The following ESR2 variants were observed in gnomAD, a reference collection of about 807,000 sequenced individuals.
ESR2 encodes the protein estrogen receptor 2, also known as estrogen receptor beta.
ESR2 carries 36 observed loss-of-function variants against 49.6 expected under a neutral mutation model. The ratio of observed to expected loss-of-function variants is 0.73; its 90% CI spans 0.56 to 0.96. The LOEUF (loss-of-function observed/expected upper bound fraction) is 0.96, where lower values mean the gene tolerates loss of function less well. Ranked by LOEUF, ESR2 falls within the 40% of genes least tolerant of loss-of-function variation. The pLI, the probability that ESR2 is intolerant of heterozygous loss-of-function variation, is 0.00. For missense variants in ESR2, 714 were observed against 693.0 expected, an observed-to-expected ratio of 1.03 and a Z score of -0.34; for synonymous variants, 320 against 266.1, an observed-to-expected ratio of 1.20 and a Z score of -1.97.
chr14:64,248,505 C>CAAAAAAAAAAAAAAAAA (rs56108535), intron 7 of ESR2, among the ~76,000 whole-genome samples: 1 of 87,266 alleles, frequency 1.1e-5, no homozygotes, highest in Non-Finnish European at 2.2e-5. Context: ...GATCCTGTCT[C>CAAAAAAAAAAAAAAAAA]AAAAAAAAAA....
At chr14:64,317,144 T>C (rs1036246104) in intron 1 of ESR2, among the ~76,000 whole-genome samples, 9 of 152,118 alleles carry the variant, frequency 5.9e-5, no homozygotes, top group Admixed American at 3.3e-4. Context: ...CACACACCTG[T>C]AGTTCCAGCT....
chr14:64,259,653 C>T (rs1003847501), intron 5 of ESR2, among the ~76,000 whole-genome samples: 1 of 152,160 alleles, frequency 6.6e-6, no homozygotes, highest in Non-Finnish European at 1.5e-5. Flanking sequence ...AACGCAGGTT[C>T]CAAGTGACAA....
chr14:64,256,288 T>C (rs57857158), intron 6 of ESR2, among the ~76,000 whole-genome samples: 202 of 152,352 alleles, frequency 1.3e-3, no homozygotes, highest in African/African-American at 4.2e-3. Context: ...TTAAAAATTG[T>C]TTCCTTTTCT....
intron 1 of ESR2, among the ~76,000 whole-genome samples, chr14:64,300,948 T>C (rs2077014853): frequency 6.6e-6 from 1 of 152,160 alleles, no homozygotes; most frequent in Non-Finnish European, 1.5e-5. Flanking sequence ...AGGAGGAGGC[T>C]ATAACTACCA....
At chr14:64,268,376 A>G (rs2076373992) in intron 4 of ESR2, among the ~76,000 whole-genome samples, 1 of 152,182 alleles carries the variant, frequency 6.6e-6, no homozygotes, top group African/African-American at 2.4e-5. Context: ...GTAACCCACA[A>G]GATATCCTAC....
In ESR2 at chr14:64,234,680, G is replaced by GGAACT. The variant is rs1403723519; in HGVS notation, c.1406+285_1406+289dup. On this transcript the variant is annotated intron_variant, in intron 8 of 8. Coordinates refer to ENST00000341099, the MANE Select transcript of ESR2 (RefSeq NM_001437.3). ...AGGGGTGGCAGTTCGTGTTAGGGGA[G>GGAACT]GAACTGCCCCTTTTAGGACTCCATA... 7.2e-6 allele frequency: 4 copies of GGAACT among 552,752 alleles called. No homozygotes were observed. In the East Asian group the frequency reaches 1.2e-4, roughly 16 times the overall value. 34.2% of individuals were successfully genotyped at this position (552,752 alleles called of 1,614,324 possible).
intron 6 of ESR2, among the ~76,000 whole-genome samples, chr14:64,253,560 TTGTGTGTGTGTGTGTGTGTG>T (rs752711685): frequency 2.9e-5 from 4 of 136,544 alleles, no homozygotes; most frequent in Admixed American, 1.5e-4. Flanking sequence ...GGTACACTAT[TTGTGTGTGTGTGTGTGTGTG>T]TGTGTGTGTG....
At chr14:64,330,429 C>CA (rs35524660) in intron 1 of ESR2, 92,427 of 139,912 alleles carry the variant, frequency 0.66, 31,395 homozygotes, top group African/African-American at 0.89. Flanking sequence ...AACTCCATCT[C>CA]AAAAAAAAAA....
intron 1 of ESR2, among the ~76,000 whole-genome samples, chr14:64,325,578 G>A (rs1478958864): frequency 6.6e-6 from 1 of 152,006 alleles, no homozygotes; most frequent in Non-Finnish European, 1.5e-5. Context: ...ATTAGTTAAG[G>A]CAAATAATTA....
chr14:64,282,190 A>T (rs1040596018), intron 2 of ESR2, among the ~76,000 whole-genome samples: 7 of 152,186 alleles, frequency 4.6e-5, no homozygotes, highest in Non-Finnish European at 7.3e-5. Flanking sequence ...CTAAAAATTT[A>T]AAAAATGAGC....
intron 4 of ESR2, among the ~76,000 whole-genome samples, chr14:64,267,586 G>A (rs2076357170): frequency 2.6e-5 from 4 of 151,936 alleles, no homozygotes; most frequent in African/African-American, 9.7e-5. Flanking sequence ...CTAAGAAATT[G>A]TCAGGGAGGG....
chr14:64,235,123 TG>T lies in ESR2; in HGVS notation c.1252del (p.Gln418ArgfsTer13), dbSNP rs1426089215. ...CAGCTTCCGGCTGCTGTCAGCATCCTGGGTCGCTGTGACCAGAGGGTACATA... is the reference window on the plus strand; with the variant it reads ...CAGCTTCCGGCTGCTGTCAGCATCCTGGTCGCTGTGACCAGAGGGTACATA... ...SSMYPLVTAT[Q>X]DADSSRKLAH... On this transcript the variant is annotated frameshift_variant, in exon 8 of 9. Transcript: ENST00000341099. LOFTEE classifies it high-confidence loss of function. The T allele has an allele frequency of 6.2e-7, 1 of 1,614,010 alleles. No homozygotes were observed. The highest frequency in any genetic ancestry group is 1.7e-5 in the Admixed American group (1 of 60,030).
intron 8 of ESR2, 111 bp from the exon 9 acceptor site, chr14:64,233,434 A>T: frequency 1.0e-6 from 1 of 975,012 alleles, no homozygotes; most frequent in Non-Finnish European, 1.5e-6. Context: ...CCCTAAACCC[A>T]CTCTTCCCCC....
chr14:64,257,532 T>C, intron 5 of ESR2, 168 bp from the exon 6 acceptor site: 1 of 815,538 alleles, frequency 1.2e-6, no homozygotes, highest in South Asian at 1.9e-5. Flanking sequence ...AACTTTGAAG[T>C]TAAGCTGCGC....
In ESR2 at chr14:64,234,906, C is replaced by T. The variant is rs909213490; in HGVS notation, c.1406+64G>A. ...TGCAGACACTTTTCCCAAATCACTT[C>T]ACCCTCCGTGGAGCACATAATCCCA... On this transcript the variant is annotated intron_variant, in intron 8 of 8. Transcript: ENST00000341099. 5 of 1,575,818 alleles carry T rather than the reference C, an allele frequency of 3.2e-6. No individual in the cohort carries two copies. The African/African-American group carries it at 6.8e-5, about 21-fold the overall frequency.
At chr14:64,264,700 GTC>G (rs925948832) in intron 4 of ESR2, among the ~76,000 whole-genome samples, 8 of 151,932 alleles carry the variant, frequency 5.3e-5, no homozygotes, top group African/African-American at 1.9e-4. Context: ...GTGAAATCCT[GTC>G]TCTACAAAAA....
chr14:64,305,476 C>T (rs1427867718), intron 1 of ESR2, among the ~76,000 whole-genome samples: 3 of 151,502 alleles, frequency 2.0e-5, no homozygotes, highest in Non-Finnish European at 4.4e-5. Context: ...CGAGACCATC[C>T]TGGCTAACAC....
At chr14:64,324,821 T>A (rs2077369353) in intron 1 of ESR2, among the ~76,000 whole-genome samples, 1 of 152,182 alleles carries the variant, frequency 6.6e-6, no homozygotes, top group South Asian at 2.1e-4. Flanking sequence ...CATTTAAAAA[T>A]TAATTTAAAA....
upstream of ESR2, chr14:64,297,619 A>G (rs2076973600): frequency 6.6e-6 from 1 of 152,204 alleles, no homozygotes; most frequent in Non-Finnish European, 1.5e-5. Context: ...ACCTAGCACA[A>G]TCCACGCGTT....
Sources: gnomAD v4.1 joint callset for allele counts (sites outside exome capture counted in the v4.1 genomes callset) on GRCh38, gnomAD v4.1.1 for gene constraint, MANE v1.5 for transcripts, NCBI Gene and HGNC (gene_info 2026-07-23, HGNC 2026-07-21) for gene names.